LACTBL1: variants seen among roughly 807,000 people sequenced by gnomAD.
LACTBL1 encodes the protein beta-lactamase-like protein 1.
LACTBL1 carries 29 observed loss-of-function variants against 39.6 expected under a neutral mutation model. That is an observed-to-expected ratio of 0.73 (90% CI 0.55 to 1.00). LACTBL1 has a LOEUF of 1.00. Among genes scored for constraint, LACTBL1 ranks in the 50% least tolerant of loss-of-function variants. The pLI, the probability that LACTBL1 is intolerant of heterozygous loss-of-function variation, is 0.00. For synonymous variants in LACTBL1, 361 were observed against 360.7 expected (o/e 1.00, Z -0.01); for missense variants, 711 against 748.5 (o/e 0.95, Z 0.59).
the LACTBL1 span, chr1:22,972,245 A>G: frequency 1.0e-6 from 1 of 971,622 alleles, no homozygotes; most frequent in Non-Finnish European, 1.2e-6. Context: ...GGACGGTGGC[A>G]TGGTCAGACA....
At chr1:22,955,476 G>C (rs1640752351) in intron 4 of LACTBL1, 50 bp from the exon 7 acceptor site, 1 of 1,282,804 alleles carries the variant, frequency 7.8e-7, no homozygotes, top group Admixed American at 2.0e-5. Flanking sequence ...AGGGTGGGAT[G>C]GTGGGCCCCT....
chr1:22,966,998 C>A (rs998866399), upstream of LACTBL1, among the ~76,000 whole-genome samples: 4 of 152,168 alleles, frequency 2.6e-5, no homozygotes, highest in Non-Finnish European at 5.9e-5. Flanking sequence ...CTTTGGGAGG[C>A]CAAGATGGGA....
chr1:22,959,230 C>T (rs574236627), intron 3 of LACTBL1, among the ~76,000 whole-genome samples: 10 of 152,336 alleles, frequency 6.6e-5, no homozygotes, highest in African/African-American at 2.4e-4. Flanking sequence ...TGGCCTTAGG[C>T]AAGTTTCTAG....
the LACTBL1 span, among the ~76,000 whole-genome samples, chr1:22,970,390 T>C: frequency 2.4e-4 from 36 of 152,242 alleles, no homozygotes; most frequent in African/African-American, 8.7e-4. Flanking sequence ...CATAGAACAT[T>C]CTGGAAAAAG....
chr1:22,953,220 C>T (rs1469075457), exon 6 of LACTBL1: 17 of 1,232,014 alleles, frequency 1.4e-5, no homozygotes, highest in African/African-American at 3.1e-5. Context: ...CGCAGGGGAA[C>T]TCGTGGGCCA....
chr1:22,963,980 G>A (rs1640852696), intron 1 of LACTBL1, among the ~76,000 whole-genome samples: 1 of 152,074 alleles, frequency 6.6e-6, no homozygotes, highest in South Asian at 2.1e-4. Context: ...GAGTACAATG[G>A]TGCGATCTCA....
Position 22,953,232 on chromosome 1 carries a change from G to T in LACTBL1, c.1452C>A (p.His484Gln), listed in dbSNP as rs1640721977. ...GTGCGCAGGGGAACTCGTGGGCCAC[G>T]TGCAGCTGGAAGACGCGGCCGTGCA... The change falls in exon 6 of 6, where the codon CAC becomes CAA. Residue 484 changes from histidine to glutamine, a missense_variant. Transcript: ENST00000426928. 5 of 1,231,944 alleles carry T rather than the reference G, an allele frequency of 4.1e-6. No individual in the cohort carries two copies. The East Asian group carries it at 1.6e-4, about 39-fold the overall frequency. The allele number at this position is 1,231,944 out of a possible 1,614,324, so 76.3% of individuals were successfully genotyped here. A position where few individuals can be genotyped will look rare whatever the true frequency, so the allele number is the denominator to read the frequency against.
At chr1:22,957,261 A>G (rs940017474) in intron 4 of LACTBL1, among the ~76,000 whole-genome samples, 3 of 152,046 alleles carry the variant, frequency 2.0e-5, no homozygotes, top group Non-Finnish European at 4.4e-5. Context: ...CCACTCCCCT[A>G]TTGATGGACA....
intron 2 of LACTBL1, 117 bp from the exon 5 acceptor site, chr1:22,960,216 C>T (rs1241727283): frequency 2.4e-6 from 3 of 1,239,356 alleles, no homozygotes; most frequent in African/African-American, 3.0e-5. Context: ...AGTGAGCCTC[C>T]CAGCTATGCC....
Position 22,963,105 on chromosome 1 carries a change from AC to A in LACTBL1, c.159+1del. 1 of 1,286,138 alleles carries A rather than the reference AC, an allele frequency of 7.8e-7. No individual in the cohort carries two copies. The highest frequency in any genetic ancestry group is 9.9e-7 in the Non-Finnish European group (1 of 1,008,666). The allele number at this position is 1,286,138 out of a possible 1,614,324, so 79.7% of individuals were successfully genotyped here. ...CCAGTTTCCTCCTGGGTCATCACTG[AC>A]CTTTTCCAGGGCCTCCTTCAACACG... On this transcript the variant is annotated splice_donor_variant, in intron 2 of 5. Coordinates refer to ENST00000426928, the Ensembl canonical transcript of LACTBL1. LOFTEE classifies it high-confidence loss of function.
intron 4 of LACTBL1, among the ~76,000 whole-genome samples, chr1:22,957,942 A>G (rs935741748): frequency 1.6e-4 from 24 of 152,084 alleles, no homozygotes; most frequent in African/African-American, 5.8e-4. Context: ...GTGAGCCACC[A>G]CGCCCAGCCC....
At chr1:22,962,781 T>G (rs1640838420) in intron 2 of LACTBL1, among the ~76,000 whole-genome samples, 1 of 152,130 alleles carries the variant, frequency 6.6e-6, no homozygotes, top group Admixed American at 6.5e-5. Context: ...AGACACCACT[T>G]CCTCCAGAAG....
exon 6 of LACTBL1, chr1:22,953,581 C>T (rs1003552417): frequency 5.6e-6 from 7 of 1,253,936 alleles, no homozygotes; most frequent in Non-Finnish European, 7.0e-6. Context: ...GGCGGCGTAG[C>T]CGTCCAGATC....
chr1:22,961,910 C>A (rs1282578519), intron 2 of LACTBL1, among the ~76,000 whole-genome samples: 1 of 152,030 alleles, frequency 6.6e-6, no homozygotes, highest in East Asian at 1.9e-4. Flanking sequence ...CCATGCCCGG[C>A]TGATGTTTTA....
At chr1:22,956,921 C>G (rs1640767617) in intron 4 of LACTBL1, among the ~76,000 whole-genome samples, 1 of 152,026 alleles carries the variant, frequency 6.6e-6, no homozygotes, top group Non-Finnish European at 1.5e-5. Context: ...TACCCTTCTC[C>G]CTAGCTACCC....
Position 22,962,774 on chromosome 1 carries a change from C to T in LACTBL1, c.159+333G>A, listed in dbSNP as rs149554318. ...CTACTTATTCACATCTCAGCCTAGA[C>T]ACCACTTCCTCCAGAAGGAGGAACT... On this transcript the variant is annotated intron_variant, in intron 2 of 5. Transcript: ENST00000426928. Among the ~76,000 whole-genome samples the T allele has an allele frequency of 2.5e-3, 387 of 152,244 alleles. 1 individual carries two copies. Among genetic ancestry groups the T allele is most frequent in the African/African-American group, 8.9e-3 (370 of 41,542 alleles).
chr1:22,956,849 T>G (rs1385411009), intron 4 of LACTBL1, among the ~76,000 whole-genome samples: 1 of 152,090 alleles, frequency 6.6e-6, no homozygotes, highest in Non-Finnish European at 1.5e-5. Context: ...TAATAAGTAA[T>G]TAATTTACAT....
chr1:22,958,336 C>T (rs554070238), intron 4 of LACTBL1, among the ~76,000 whole-genome samples: 8 of 152,290 alleles, frequency 5.3e-5, no homozygotes, highest in South Asian at 4.1e-4. Context: ...CCTCCCACCT[C>T]GGCCTCCCAA....
upstream of LACTBL1, among the ~76,000 whole-genome samples, chr1:22,965,683 G>C (rs191369312): frequency 2.0e-4 from 30 of 152,218 alleles, 1 homozygote; most frequent in South Asian, 4.1e-4. Flanking sequence ...CGTAAGACCA[G>C]CTGAAATGCC....
Sources: gnomAD v4.1 joint callset for allele counts (sites outside exome capture counted in the v4.1 genomes callset) on GRCh38, gnomAD v4.1.1 for gene constraint, MANE v1.5 for transcripts, NCBI Gene and HGNC (gene_info 2026-07-23, HGNC 2026-07-21) for gene names.